Variants in ZNF516 observed in about 807,000 individuals in gnomAD.
The protein encoded by ZNF516 is zinc finger protein 516.
ZNF516 carries 19 observed loss-of-function variants against 79.7 expected under a neutral mutation model. The observed-to-expected ratio is 0.24, with a 90% CI of 0.17 to 0.35. The LOEUF (loss-of-function observed/expected upper bound fraction) is 0.35, where lower values mean the gene tolerates loss of function less well. ZNF516 is among the 10% of genes least tolerant of loss of function. ZNF516 has a pLI of 1.00. For missense variants in ZNF516, 1,678 were observed against 1,679.5 expected (o/e 1.00, Z 0.02); for synonymous variants, 877 against 739.5 (o/e 1.19, Z -3.02).
chr18:76,373,350 GGAAA>G (rs1194869890), intron 4 of ZNF516, among the ~76,000 whole-genome samples: 1 of 151,076 alleles, frequency 6.6e-6, no homozygotes, highest in East Asian at 1.9e-4. Flanking sequence ...AGGAAGGAAA[GGAAA>G]GAAAGAAAAG....
intron 3 of ZNF516, among the ~76,000 whole-genome samples, chr18:76,422,789 T>C (rs1478729934): frequency 1.3e-5 from 2 of 152,058 alleles, no homozygotes; most frequent in African/African-American, 4.8e-5. Context: ...GCATATATTG[T>C]GGGCAGAACA....
chr18:76,476,843 G>A (rs948155947), intron 1 of ZNF516, among the ~76,000 whole-genome samples: 6 of 152,316 alleles, frequency 3.9e-5, no homozygotes, highest in South Asian at 2.1e-4. Context: ...CTAAGCTCTT[G>A]AGCCCCCCAG....
chr18:76,491,637 C>A (rs2145841449), intron 1 of ZNF516: 2 of 697,086 alleles, frequency 2.9e-6, no homozygotes, highest in Non-Finnish European at 3.5e-6. Context: ...CCACGGCCCT[C>A]CTCCTGGCAG....
chr18:76,380,414 G>A, intron 3 of ZNF516, 111 bp from the exon 4 acceptor site: 2 of 1,384,820 alleles, frequency 1.4e-6, no homozygotes, highest in South Asian at 2.9e-5. Context: ...TTCAGCGGGA[G>A]AAGCCACCCT....
intron 2 of ZNF516, among the ~76,000 whole-genome samples, chr18:76,453,808 T>C (rs967555289): frequency 3.9e-5 from 6 of 152,236 alleles, no homozygotes; most frequent in African/African-American, 1.4e-4. Context: ...TTACTAAACA[T>C]GCTTTTTCGA....
intron 1 of ZNF516, among the ~76,000 whole-genome samples, chr18:76,464,897 G>C (rs930350907): frequency 1.2e-4 from 19 of 152,346 alleles, no homozygotes; most frequent in Non-Finnish European, 7.3e-5. Flanking sequence ...AGCCCAAGTG[G>C]GAATGGATGC....
chr18:76,399,085 A>ACCACTAGAT (rs566620394), intron 3 of ZNF516, among the ~76,000 whole-genome samples: 7 of 152,120 alleles, frequency 4.6e-5, no homozygotes, highest in Non-Finnish European at 8.8e-5. Context: ...CATGGAAGCT[A>ACCACTAGAT]CCACTAGATG....
chr18:76,370,900 C>T (rs902828210), intron 5 of ZNF516, among the ~76,000 whole-genome samples: 1 of 152,230 alleles, frequency 6.6e-6, no homozygotes, highest in Non-Finnish European at 1.5e-5. Flanking sequence ...TGTCATCTTG[C>T]ATCAGACCAG....
At chr18:76,457,814 A>G (rs1177188046) in intron 2 of ZNF516, among the ~76,000 whole-genome samples, 2 of 152,212 alleles carry the variant, frequency 1.3e-5, no homozygotes, top group Non-Finnish European at 2.9e-5. Flanking sequence ...ATTTTTTTAA[A>G]CCCAAGGAGG....
intron 2 of ZNF516, among the ~76,000 whole-genome samples, chr18:76,456,805 C>T (rs1912756630): frequency 6.6e-6 from 1 of 152,204 alleles, no homozygotes; most frequent in African/African-American, 2.4e-5. Flanking sequence ...CAGCTTTACA[C>T]TTAAAATCCT....
intron 2 of ZNF516, among the ~76,000 whole-genome samples, chr18:76,458,593 G>T (rs771980955): frequency 7.2e-5 from 11 of 152,244 alleles, no homozygotes; most frequent in Admixed American, 1.3e-4. Context: ...TCAGGACGGG[G>T]CATGCACTGT....
chr18:76,478,032 C>G (rs975976977), intron 1 of ZNF516, among the ~76,000 whole-genome samples: 1 of 151,882 alleles, frequency 6.6e-6, no homozygotes, highest in Non-Finnish European at 1.5e-5. Flanking sequence ...GGTTATCTTT[C>G]CCACGAATGG....
chr18:76,442,428 C>T lies in ZNF516; in HGVS notation c.627G>A (p.Thr209=), dbSNP rs1381105298. 1.2e-6 allele frequency: 2 copies of T among 1,606,710 alleles called. No homozygotes were observed. The highest frequency in any genetic ancestry group is 1.3e-5 in the African/African-American group (1 of 74,942). Residue 209 remains threonine, a synonymous_variant, in exon 3 of 7, where the codon ACG becomes ACA. Transcript: ENST00000443185. ...GGCTCAGCAGCGACTCCTCCCGCAG[C>T]GTCGCGTAGCTGCACAGCCTGCACT... ...PFKCRLCSYA[T]LREESLLSHI...
intron 3 of ZNF516, among the ~76,000 whole-genome samples, chr18:76,423,049 A>G (rs2075528205): frequency 6.6e-6 from 1 of 152,174 alleles, no homozygotes; most frequent in Admixed American, 6.5e-5. Context: ...TGCACACCGC[A>G]GGACTCTCAC....
intron 1 of ZNF516, among the ~76,000 whole-genome samples, chr18:76,485,171 C>A (rs1914756988): frequency 6.6e-6 from 1 of 152,112 alleles, no homozygotes; most frequent in African/African-American, 2.4e-5. Flanking sequence ...CTGCACTCAA[C>A]ACAATAACGT....
intron 1 of ZNF516, among the ~76,000 whole-genome samples, chr18:76,483,189 G>A (rs534965979): frequency 6.6e-6 from 1 of 152,242 alleles, no homozygotes; most frequent in African/African-American, 2.4e-5. Flanking sequence ...AAGGCAGGCG[G>A]GGTGGAGACT....
rs542758235 is a variant in ZNF516, at chr18:76,441,954, G to C, written c.1101C>G (p.Ala367=). Residue 367 remains alanine, a synonymous_variant, in exon 3 of 7, where the codon GCC becomes GCG. Coordinates refer to ENST00000443185, the MANE Select transcript of ZNF516 (RefSeq NM_014643.4). The stretch of plus-strand genomic sequence containing the variant: ...GCCCCTCCGCCCCCTCCTCGGCCGG[G>C]GCGCGCGTGCGGCTGGCCTCGACTC... ...HRRVEASRTR[A]PAEEGAEGPS... The C allele has an allele frequency of 1.2e-5, 20 of 1,611,960 alleles. No homozygotes were observed. The highest frequency in any genetic ancestry group is 1.4e-5 in the Non-Finnish European group (16 of 1,179,580).
chr18:76,465,028 C>T (rs1913373969), intron 1 of ZNF516, among the ~76,000 whole-genome samples: 1 of 152,194 alleles, frequency 6.6e-6, no homozygotes, highest in South Asian at 2.1e-4. Context: ...CGAGGGGAGC[C>T]GCCAGAGGAG....
At chr18:76,494,195 T>C (rs937980513) in intron 1 of ZNF516, among the ~76,000 whole-genome samples, 2 of 152,180 alleles carry the variant, frequency 1.3e-5, no homozygotes, top group African/African-American at 2.4e-5. Context: ...ACAAACTTAT[T>C]CATACAAAGT....
Sources: allele counts gnomAD v4.1 joint callset (sites outside exome capture counted in the v4.1 genomes callset), GRCh38; gene constraint gnomAD v4.1.1; transcripts MANE v1.5; gene names NCBI Gene and HGNC (gene_info 2026-07-23, HGNC 2026-07-21).